CCDC82: variants seen among roughly 807,000 people sequenced by gnomAD.
CCDC82 encodes coiled-coil domain-containing protein 82.
CCDC82 carries 47 observed loss-of-function variants against 60.6 expected under a neutral mutation model. That is an observed-to-expected ratio of 0.77 (90% CI 0.61 to 0.99). The LOEUF (loss-of-function observed/expected upper bound fraction) is 0.99. CCDC82 is among the 50% of genes least tolerant of loss of function. CCDC82 has a pLI of 0.00. For missense variants in CCDC82, 588 were observed against 633.0 expected, an observed-to-expected ratio of 0.93 and a Z score of 0.76; for synonymous variants, 212 against 207.4, an observed-to-expected ratio of 1.02 and a Z score of -0.19.
intron 8 of CCDC82, chr11:96,364,155 C>T (rs555569009): frequency 2.0e-5 from 3 of 152,126 alleles, no homozygotes; most frequent in Non-Finnish European, 4.4e-5. Flanking sequence ...ATCACTTTTG[C>T]TAGGATTCCA....
At chr11:96,356,696 T>C (rs1864366856) in intron 9 of CCDC82, 1 of 953,652 alleles carries the variant, frequency 1.0e-6, no homozygotes, top group African/African-American at 1.8e-5. Context: ...TATCTATTCT[T>C]TTCTTATACT....
chr11:96,354,735 T>G (rs1410729819), intron 9 of CCDC82: 1 of 152,188 alleles, frequency 6.6e-6, no homozygotes, highest in Non-Finnish European at 1.5e-5. Context: ...TTGCAGGTTG[T>G]TTGTGCGAGG....
At chr11:96,375,370 C>T (rs1256274727) in intron 5 of CCDC82, among the ~76,000 whole-genome samples, 1 of 152,110 alleles carries the variant, frequency 6.6e-6, no homozygotes, top group Admixed American at 6.5e-5. Context: ...GAAGTCTTGT[C>T]CCTAACCATA....
At chr11:96,368,924 T>C (rs1865104345) in intron 7 of CCDC82, among the ~76,000 whole-genome samples, 1 of 151,870 alleles carries the variant, frequency 6.6e-6, no homozygotes, top group African/African-American at 2.4e-5. Flanking sequence ...TCTGAAAAAA[T>C]CTGTTGTTTA....
At chr11:96,373,313 G>A (rs1175023370) in intron 6 of CCDC82, 62 bp downstream of exon 6, 3 of 1,010,628 alleles carry the variant, frequency 3.0e-6, no homozygotes, top group Non-Finnish European at 4.5e-6. Context: ...TTAAAAGTGA[G>A]GTTGTTTTAA....
intron 4 of CCDC82, 149 bp downstream of exon 4, chr11:96,383,813 T>C (rs1866014555): frequency 1.4e-6 from 1 of 719,630 alleles, no homozygotes; most frequent in African/African-American, 1.8e-5. Context: ...CGTACAATAG[T>C]GTAATCAAAC....
chr11:96,365,204 G>T, intron 7 of CCDC82, 54 bp from the exon 8 acceptor site: 1 of 1,197,080 alleles, frequency 8.4e-7, no homozygotes, highest in Non-Finnish European at 1.2e-6. Context: ...AAAAATAAAA[G>T]TAAGAATCTA....
rs1591187833 is a variant in CCDC82 at position 96,370,911 on chromosome 11, G to A, written c.1209+102C>T. 9 of 1,011,892 alleles carry A rather than the reference G, an allele frequency of 8.9e-6. No individual in the cohort carries two copies. In the East Asian group the frequency reaches 2.3e-4, roughly 25 times the overall value. 62.7% of individuals were successfully genotyped at this position (1,011,892 alleles called of 1,614,324 possible). ...AATAATAAGCTGATTATTTAACAAAGACATGCCAATATTTTAGAAGATTAT... is the reference window on the plus strand; with the variant it reads ...AATAATAAGCTGATTATTTAACAAAAACATGCCAATATTTTAGAAGATTAT... On this transcript the variant is annotated intron_variant, in intron 7 of 9. Transcript: ENST00000646818.
chr11:96,373,592 A>C, intron 5 of CCDC82, 125 bp from the exon 6 acceptor site: 1 of 550,100 alleles, frequency 1.8e-6, no homozygotes, highest in East Asian at 3.3e-5. Context: ...TAATCATCCT[A>C]ATTTTATAGC....
chr11:96,376,440 T>C lies in CCDC82; in HGVS notation c.992-2973A>G, dbSNP rs951958964. Among the ~76,000 whole-genome samples the C allele has an allele frequency of 2.6e-5, 4 of 152,016 alleles. No individual in the cohort carries two copies. In the East Asian group the frequency reaches 7.7e-4, roughly 29 times the overall value. ...TCAAGCCGTGCTTTTCTTTTTTTTT[T>C]TTTTGAGCCGGAGTCTTACTCTTGT... is the stretch of plus-strand genomic sequence containing the variant. On this transcript the variant is annotated intron_variant, in intron 5 of 9. Coordinates refer to ENST00000646818, the MANE Select transcript of CCDC82 (RefSeq NM_024725.4).
In CCDC82 at chr11:96,358,647, G is replaced by C. The variant is rs1271652102; in HGVS notation, c.1566+346C>G. 3 of 1,242,370 alleles carry C rather than the reference G, an allele frequency of 2.4e-6. No homozygotes were observed. The East Asian group carries it at 9.4e-5, about 39-fold the overall frequency. The allele number at this position is 1,242,370 out of a possible 1,614,324, so 77.0% of individuals were successfully genotyped here. A position where few individuals can be genotyped will look rare whatever the true frequency, so the allele number is the denominator to read the frequency against. On this transcript the variant is annotated intron_variant, in intron 9 of 9. Coordinates refer to ENST00000646818, the MANE Select transcript of CCDC82 (RefSeq NM_024725.4). ...AAAGAATAGGAAGCAGACAAGCAGA[G>C]GTGAGTCCTATACTCTGTCAAAAAA...
chr11:96,356,401 G>GT, intron 9 of CCDC82: 2 of 976,616 alleles, frequency 2.0e-6, no homozygotes, highest in Non-Finnish European at 2.4e-6. Flanking sequence ...ACTGTCACTT[G>GT]TAACAGTTTT....
rs776159556 is a variant in CCDC82, at chr11:96,373,357, T to C, written c.1084+18A>G. On this transcript the variant is annotated intron_variant, in intron 6 of 9. Transcript: ENST00000646818. ...AAAGAAATAAAAACCAATTGTTTCA[T>C]TCATAGTATTAACTTACCATATAAT... 6.9e-6 allele frequency: 10 copies of C among 1,450,706 alleles called. No homozygotes were observed. Among genetic ancestry groups the C allele is most frequent in the Non-Finnish European group, 9.5e-6 (10 of 1,048,514 alleles). The allele number at this position is 1,450,706 out of a possible 1,614,324, so 89.9% of individuals were successfully genotyped here. A position where few individuals can be genotyped will look rare whatever the true frequency, so the allele number is the denominator to read the frequency against.
chr11:96,373,411 T>C lies in CCDC82; in HGVS notation c.1048A>G (p.Asn350Asp). Reference sequence around the variant, plus strand: ...CCCAGAAAAGATTCATCTAAAGCGTTGATCAGAAGAGCCTTCACAACTCTT... The same window carrying C: ...CCCAGAAAAGATTCATCTAAAGCGTCGATCAGAAGAGCCTTCACAACTCTT... The part of the protein sequence containing the change: ...FERVVKALLI[N>D]ALDESFLGTL... Residue 350 changes from asparagine (N) to aspartate (D), a missense_variant, in exon 6 of 10, where the codon AAC (asparagine) becomes GAC (aspartate). Coordinates refer to ENST00000646818, the MANE Select transcript of CCDC82 (RefSeq NM_024725.4). 6.2e-7 allele frequency: 1 copy of C among 1,609,800 alleles called. No homozygotes were observed.
chr11:96,359,822 A>T (rs1350123454), intron 8 of CCDC82, among the ~76,000 whole-genome samples: 1 of 150,906 alleles, frequency 6.6e-6, no homozygotes, highest in South Asian at 2.1e-4. Flanking sequence ...TCCCCCCCCA[A>T]AAAAAATGAT....
intron 9 of CCDC82, chr11:96,355,796 C>A (rs1407064233): frequency 1.3e-5 from 2 of 152,016 alleles, no homozygotes; most frequent in African/African-American, 4.8e-5. Flanking sequence ...TCTCATAATT[C>A]TTTACTAAAC....
intron 1 of CCDC82, chr11:96,389,147 CAT>C (rs369141006): frequency 6.6e-6 from 1 of 152,264 alleles, no homozygotes; most frequent in East Asian, 1.9e-4. Context: ...AGAAAATAAA[CAT>C]AAAGAGAGGA....
chr11:96,382,228 G>C (rs927765510), intron 5 of CCDC82: 3 of 151,792 alleles, frequency 2.0e-5, no homozygotes, highest in Non-Finnish European at 3.0e-5. Flanking sequence ...GACAAGCTCT[G>C]GTTATTCAGA....
chr11:96,376,233 G>T (rs1018340782), intron 5 of CCDC82, among the ~76,000 whole-genome samples: 1 of 151,586 alleles, frequency 6.6e-6, no homozygotes, highest in African/African-American at 2.4e-5. Context: ...CAAACCATCT[G>T]CCCTTCCTAC....
Sources: gnomAD v4.1 joint callset for allele counts (sites outside exome capture counted in the v4.1 genomes callset) on GRCh38, gnomAD v4.1.1 for gene constraint, MANE v1.5 for transcripts, NCBI Gene and HGNC (gene_info 2026-07-23, HGNC 2026-07-21) for gene names.